Variants in CCDC171 observed in about 807,000 individuals in gnomAD.
CCDC171 encodes coiled-coil domain-containing protein 171.
In CCDC171, 177 loss-of-function variants were observed where a neutral mutation model predicts 168.2. The observed-to-expected ratio is 1.05, with a 90% confidence interval of 0.93 to 1.19. The LOEUF (loss-of-function observed/expected upper bound fraction) is 1.19, where lower values mean the gene tolerates loss of function less well. Ranked by LOEUF, CCDC171 falls within the 50% of genes most tolerant of loss-of-function variation. The probability of loss-of-function intolerance (pLI) is 0.00; values close to 1 mark genes in which losing one functional copy is unlikely to be tolerated. For synonymous variants in CCDC171, 687 were observed against 540.8 expected, an observed-to-expected ratio of 1.27 and a Z score of -3.75; for missense variants, 1,991 against 1,539.0, an observed-to-expected ratio of 1.29 and a Z score of -4.91.
the CCDC171 span, among the ~76,000 whole-genome samples, chr9:16,087,557 C>CTTTT: frequency 1.5e-3 from 115 of 78,784 alleles, no homozygotes; most frequent in East Asian, 1.9e-3. Flanking sequence ...GCAACTCCTG[C>CTTTT]TTTTTTTTTT....
At chr9:15,993,944 A>C (rs1832289525) in intron 3 of CCDC171, among the ~76,000 whole-genome samples, 1 of 152,162 alleles carries the variant, frequency 6.6e-6, no homozygotes, top group Non-Finnish European at 1.5e-5. Context: ...ATAACAGGTG[A>C]TGGATAGGTT....
intron 8 of CCDC171, among the ~76,000 whole-genome samples, chr9:15,665,416 A>C (rs2048663849): frequency 6.6e-6 from 1 of 152,216 alleles, no homozygotes; most frequent in East Asian, 1.9e-4. Flanking sequence ...GATCTGTTAA[A>C]TTTCTTAGGC....
At chr9:16,033,648 A>T (rs1833407326) in intron 6 of CCDC171, among the ~76,000 whole-genome samples, 1 of 152,086 alleles carries the variant, frequency 6.6e-6, no homozygotes, top group Non-Finnish European at 1.5e-5. Flanking sequence ...TAGCACAATA[A>T]ATCTAATGCG....
chr9:15,975,185 C>A (rs1313044473), downstream of CCDC171, among the ~76,000 whole-genome samples: 1 of 152,152 alleles, frequency 6.6e-6, no homozygotes, highest in African/African-American at 2.4e-5. Context: ...CAACAAACCT[C>A]TAGCATAGGA....
rs548317217 is a variant in CCDC171, at chr9:15,841,557, T to A, written c.3268-5145T>A. ...ATATGTCACCTACTTTCTGTGTAGG[T>A]ATTACTAGAAAACAATAAAAGATAG... On this transcript the variant is annotated intron_variant, in intron 21 of 25. Coordinates refer to ENST00000380701, the MANE Select transcript of CCDC171 (RefSeq NM_173550.4). 7.2e-5 allele frequency among the ~76,000 whole-genome samples: 11 copies of A among 152,146 alleles called. No homozygotes were observed. The South Asian group carries it at 2.3e-3, about 32-fold the overall frequency.
At chr9:15,711,761 G>A (rs186459962) in intron 11 of CCDC171, among the ~76,000 whole-genome samples, 83 of 152,310 alleles carry the variant, frequency 5.4e-4, no homozygotes, top group African/African-American at 1.9e-3. Flanking sequence ...TGGCACTATT[G>A]TAAAGTTGAG....
the CCDC171 span, among the ~76,000 whole-genome samples, chr9:16,080,129 A>G: frequency 0.012 from 1,901 of 152,300 alleles, 33 homozygotes; most frequent in African/African-American, 0.044. Flanking sequence ...CATTTATGCT[A>G]TGGCTTCTGG....
chr9:15,717,023 C>G (rs889846910), intron 11 of CCDC171, among the ~76,000 whole-genome samples: 1 of 152,136 alleles, frequency 6.6e-6, no homozygotes, highest in African/African-American at 2.4e-5. Flanking sequence ...TTCATAAGAA[C>G]CAAAAATCAG....
intron 3 of CCDC171, among the ~76,000 whole-genome samples, chr9:16,010,086 G>C (rs980308569): frequency 6.6e-6 from 1 of 152,082 alleles, no homozygotes; most frequent in Non-Finnish European, 1.5e-5. Flanking sequence ...ACCCAACATA[G>C]AGTAGAAACT....
intron 6 of CCDC171, among the ~76,000 whole-genome samples, chr9:15,617,714 C>T (rs929385114): frequency 1.8e-4 from 27 of 152,078 alleles, no homozygotes; most frequent in Admixed American, 5.2e-4. Flanking sequence ...GATGTTGTTC[C>T]TTTCTGTTTG....
At chr9:15,895,822 A>G (rs1455543455) in intron 24 of CCDC171, among the ~76,000 whole-genome samples, 1 of 152,086 alleles carries the variant, frequency 6.6e-6, no homozygotes, top group Non-Finnish European at 1.5e-5. Flanking sequence ...ATTTACCAAT[A>G]TGACAAGCAT....
In CCDC171 at chr9:15,873,993, G is replaced by A. The variant is rs185850049; in HGVS notation, c.3469-539G>A. On this transcript the variant is annotated intron_variant, in intron 23 of 25. Transcript: ENST00000380701. ...TAAAATCCTGCAATTCTAGAAGAGT[G>A]AAAAGGGCAAACAAACCTCTTTCTT... Among the ~76,000 whole-genome samples, 1,149 of 152,220 alleles carry A rather than the reference G, an allele frequency of 7.5e-3. 13 individuals are homozygous for A. The highest frequency in any genetic ancestry group is 0.026 in the African/African-American group (1,087 of 41,552).
chr9:15,870,251 G>GGGAAGCAGTAA (rs1487918654), intron 23 of CCDC171, among the ~76,000 whole-genome samples: 2 of 151,732 alleles, frequency 1.3e-5, no homozygotes, highest in Non-Finnish European at 2.9e-5. Context: ...AAGGAAGAAA[G>GGGAAGCAGTAA]GGAAGCAGTA....
chr9:15,995,887 C>T (rs1331365613), intron 3 of CCDC171, among the ~76,000 whole-genome samples: 1 of 152,200 alleles, frequency 6.6e-6, no homozygotes. Context: ...GGTAGATCCA[C>T]TCTTTCAATA....
chr9:15,928,615 G>A (rs907994899), intron 25 of CCDC171, among the ~76,000 whole-genome samples: 2 of 151,426 alleles, frequency 1.3e-5, no homozygotes, highest in African/African-American at 4.8e-5. Context: ...TGCATTTTAT[G>A]TCATAACAGT....
chr9:15,834,600 T>C (rs1312384206), intron 21 of CCDC171, among the ~76,000 whole-genome samples: 1 of 152,244 alleles, frequency 6.6e-6, no homozygotes, highest in Non-Finnish European at 1.5e-5. Flanking sequence ...TATAATGCTT[T>C]GATCTTATGG....
chr9:15,591,979 A>G (rs2042037937), intron 5 of CCDC171, among the ~76,000 whole-genome samples: 1 of 152,118 alleles, frequency 6.6e-6, no homozygotes, highest in African/African-American at 2.4e-5. Flanking sequence ...TTTTGTATAA[A>G]CATGATATGT....
At chr9:16,019,832 T>C (rs1833114515) in intron 3 of CCDC171, among the ~76,000 whole-genome samples, 1 of 152,182 alleles carries the variant, frequency 6.6e-6, no homozygotes, top group Non-Finnish European at 1.5e-5. Flanking sequence ...TTCAAGGGTA[T>C]CAAAGGGAAA....
chr9:15,725,166 A>C (rs2053718823), intron 14 of CCDC171, among the ~76,000 whole-genome samples, 190 bp downstream of exon 14: 1 of 152,228 alleles, frequency 6.6e-6, no homozygotes, highest in Admixed American at 6.5e-5. Flanking sequence ...GAAGTACTAT[A>C]ACTTGCACAA....
Sources: gnomAD v4.1 joint callset for allele counts (sites outside exome capture counted in the v4.1 genomes callset) on GRCh38, gnomAD v4.1.1 for gene constraint, MANE v1.5 for transcripts, NCBI Gene and HGNC (gene_info 2026-07-23, HGNC 2026-07-21) for gene names.